The following CDH12 variants were observed in gnomAD, a reference collection of about 807,000 sequenced individuals.
CDH12 encodes the protein cadherin-12.
Under a neutral mutation model 74.1 loss-of-function variants are expected in CDH12, and 41 were observed. That is an observed-to-expected ratio of 0.55 (90% CI 0.43 to 0.72). The LOEUF is 0.72. CDH12 is among the 30% of genes least tolerant of loss of function. The pLI is 0.00. For missense variants in CDH12, 945 were observed against 977.2 expected (o/e 0.97, Z 0.44); for synonymous variants, 399 against 355.0 (o/e 1.12, Z -1.39).
intron 1 of CDH12, among the ~76,000 whole-genome samples, chr5:22,842,385 G>A (rs1294181468): frequency 1.3e-5 from 2 of 152,120 alleles, no homozygotes; most frequent in African/African-American, 4.8e-5. Flanking sequence ...AGGTTGTAGT[G>A]TCTGAGAGGA....
chr5:22,811,208 T>C (rs1368145454), intron 1 of CDH12, among the ~76,000 whole-genome samples: 1 of 151,620 alleles, frequency 6.6e-6, no homozygotes, highest in Admixed American at 6.6e-5. Flanking sequence ...GTACGAAAAC[T>C]GGGAGAGAGG....
chr5:22,384,810 CTTTT>C (rs1741931687), intron 3 of CDH12, among the ~76,000 whole-genome samples: 1 of 152,008 alleles, frequency 6.6e-6, no homozygotes, highest in Non-Finnish European at 1.5e-5. Flanking sequence ...TTAAAAACAA[CTTTT>C]TTCTTTCTTA....
intron 2 of CDH12, among the ~76,000 whole-genome samples, chr5:22,421,005 T>G (rs1743628433): frequency 6.6e-6 from 1 of 152,132 alleles, no homozygotes; most frequent in Non-Finnish European, 1.5e-5. Context: ...ATTGTTGATG[T>G]AAAGGAATGC....
chr5:22,191,562 T>G (rs1397985565), intron 4 of CDH12, among the ~76,000 whole-genome samples: 4 of 73,190 alleles, frequency 5.5e-5, no homozygotes, highest in African/African-American at 2.2e-4. Flanking sequence ...GTCTTTTTAT[T>G]TTTATTTTTT....
chr5:22,283,957 G>T (rs1737027647), intron 3 of CDH12, among the ~76,000 whole-genome samples: 1 of 151,954 alleles, frequency 6.6e-6, no homozygotes, highest in Non-Finnish European at 1.5e-5. Context: ...TCATAATCAG[G>T]TTTACAGACA....
At chr5:21,881,075 T>C (rs754139765) in intron 6 of CDH12, among the ~76,000 whole-genome samples, 10 of 152,164 alleles carry the variant, frequency 6.6e-5, no homozygotes, top group Non-Finnish European at 1.2e-4. Flanking sequence ...ACCACTATTT[T>C]AGCAGCTCAC....
chr5:22,316,462 T>C (rs1157043820), intron 3 of CDH12, among the ~76,000 whole-genome samples: 3 of 152,166 alleles, frequency 2.0e-5, no homozygotes, highest in Non-Finnish European at 4.4e-5. Flanking sequence ...TATTTTATTT[T>C]GTTCCCTTAG....
rs547240595 is a variant in CDH12, at chr5:21,971,376, C to T, written c.526+3715G>A. On this transcript the variant is annotated intron_variant, in intron 6 of 14. Transcript: ENST00000382254. ...AAAAATCCAACAGTGAATAATACTG[C>T]ATTGGGGTTACTGTAATTGTTAAGT... 6.6e-5 allele frequency among the ~76,000 whole-genome samples: 10 copies of T among 152,050 alleles called. No homozygotes were observed. In the South Asian group the frequency reaches 1.5e-3, roughly 22 times the overall value.
At chr5:22,689,390 C>A (rs922432745) in intron 1 of CDH12, among the ~76,000 whole-genome samples, 1 of 152,084 alleles carries the variant, frequency 6.6e-6, no homozygotes, top group African/African-American at 2.4e-5. Flanking sequence ...GTTCTTAGAA[C>A]CCTTACAAGG....
chr5:22,637,064 A>G (rs1738878065), intron 1 of CDH12, among the ~76,000 whole-genome samples: 1 of 152,236 alleles, frequency 6.6e-6, no homozygotes, highest in African/African-American at 2.4e-5. Flanking sequence ...TGGTTACCCC[A>G]ATAGCTCTGA....
chr5:22,513,952 A>G (rs1580722938), intron 1 of CDH12, among the ~76,000 whole-genome samples: 1 of 86,484 alleles, frequency 1.2e-5, no homozygotes, highest in Admixed American at 1.8e-4. Flanking sequence ...CCGTGTCAGG[A>G]AAAAAAAAAA....
At chr5:21,939,070 A>G (rs1755209537) in intron 6 of CDH12, among the ~76,000 whole-genome samples, 1 of 151,730 alleles carries the variant, frequency 6.6e-6, no homozygotes, top group African/African-American at 2.4e-5. Context: ...AAAGTACAAC[A>G]TACACATGTT....
intron 1 of CDH12, among the ~76,000 whole-genome samples, chr5:22,653,073 G>C (rs1426242519): frequency 6.6e-6 from 1 of 152,124 alleles, no homozygotes; most frequent in African/African-American, 2.4e-5. Context: ...ATACCAGAAA[G>C]AGTGATATGT....
chr5:22,400,541 C>A (rs1324875798), intron 3 of CDH12, among the ~76,000 whole-genome samples: 2 of 151,852 alleles, frequency 1.3e-5, no homozygotes, highest in Non-Finnish European at 1.5e-5. Context: ...AGCGATCCAC[C>A]CACCTTGACC....
chr5:22,375,717 GA>G (rs922876843), intron 3 of CDH12, among the ~76,000 whole-genome samples: 1 of 151,798 alleles, frequency 6.6e-6, no homozygotes, highest in Non-Finnish European at 1.5e-5. Context: ...AATAATCAGG[GA>G]AATGCGACTC....
At chr5:21,978,565 A>G (rs1175836099) in intron 5 of CDH12, among the ~76,000 whole-genome samples, 1 of 152,158 alleles carries the variant, frequency 6.6e-6, no homozygotes, top group Non-Finnish European at 1.5e-5. Flanking sequence ...ATCTATCTAT[A>G]TATATACACA....
At chr5:22,120,366 A>G (rs1745433976) in intron 4 of CDH12, among the ~76,000 whole-genome samples, 2 of 152,192 alleles carry the variant, frequency 1.3e-5, no homozygotes, top group Admixed American at 1.3e-4. Context: ...CCCCAAGAAT[A>G]AAGGACAAAC....
At chr5:21,947,563 T>C (rs1345074548) in intron 6 of CDH12, among the ~76,000 whole-genome samples, 3 of 152,136 alleles carry the variant, frequency 2.0e-5, no homozygotes, top group African/African-American at 7.2e-5. Flanking sequence ...TTGAGAAACA[T>C]TATCTCAAAT....
chr5:22,036,006 C>T (rs993907061), intron 5 of CDH12, among the ~76,000 whole-genome samples: 7 of 152,102 alleles, frequency 4.6e-5, no homozygotes, highest in African/African-American at 1.7e-4. Flanking sequence ...AGAAACAACT[C>T]CCTACAGTTG....
Sources: allele counts gnomAD v4.1 joint callset (sites outside exome capture counted in the v4.1 genomes callset), GRCh38; gene constraint gnomAD v4.1.1; transcripts MANE v1.5; gene names NCBI Gene and HGNC (gene_info 2026-07-23, HGNC 2026-07-21).